The following CYTH2 variants were observed in gnomAD, a reference collection of about 807,000 sequenced individuals.
CYTH2 encodes the protein cytohesin 2.
CYTH2 carries 24 observed loss-of-function variants against 55.4 expected under a neutral mutation model. The ratio of observed to expected loss-of-function variants is 0.43; its 90% CI spans 0.31 to 0.61. The LOEUF is 0.61. CYTH2 is among the 20% of genes least tolerant of loss of function. The pLI, the probability that CYTH2 is intolerant of heterozygous loss-of-function variation, is 0.08. For missense variants in CYTH2, 378 were observed against 533.5 expected (o/e 0.71, Z 2.87); for synonymous variants, 221 against 209.6 (o/e 1.05, Z -0.47).
At position 48,479,315 on chromosome 19, in the gene CYTH2, A is replaced by G; in HGVS notation, c.*105A>G. On this transcript the variant is annotated 3_prime_UTR_variant, in exon 12 of 12. Transcript: ENST00000452733. ...TCCTGGTTCCCTGTTTGGAAAATTC[A>G]CCACCTCTAGCTCCTCACTGTTCTT... 1 of 1,109,038 alleles carries G rather than the reference A, an allele frequency of 9.0e-7. No individual in the cohort carries two copies. Among genetic ancestry groups the G allele is most frequent in the East Asian group, 2.4e-5 (1 of 41,216 alleles). The allele number at this position is 1,109,038 out of a possible 1,614,324, so 68.7% of individuals were successfully genotyped here.
chr19:48,469,919 C>A, intron 1 of CYTH2: 1 of 566,560 alleles, frequency 1.8e-6, no homozygotes, highest in Non-Finnish European at 3.5e-6. Context: ...TCCCAACTCT[C>A]CTGAGCTGTC....
chr19:48,478,709 G>A lies in CYTH2; in HGVS notation c.1112+117G>A, dbSNP rs577917001. On this transcript the variant is annotated intron_variant, in intron 11 of 11. Transcript: ENST00000452733. ...TCTGATGGAGGAGGGGCTGGGGCCT[G>A]GACGCCTGGGTCTGACGGAGGAGGG... The A allele has an allele frequency of 2.4e-4, 178 of 752,500 alleles. 1 individual carries two copies. The East Asian group carries it at 4.8e-3, about 20-fold the overall frequency. 46.6% of individuals were successfully genotyped at this position (752,500 alleles called of 1,614,324 possible). A position where few individuals can be genotyped will look rare whatever the true frequency, so the allele number is the denominator to read the frequency against.
intron 8 of CYTH2, chr19:48,476,567 G>A (rs1971917316): frequency 6.6e-6 from 1 of 152,364 alleles, no homozygotes; most frequent in African/African-American, 2.4e-5. Context: ...GCATCACGAG[G>A]AACTGCTTCC....
rs958323601 is a variant in CYTH2 at position 48,480,242 on chromosome 19, T to C, written c.*1032T>C. The C allele has an allele frequency of 6.6e-6, 1 of 152,184 alleles. No homozygotes were observed. The highest frequency in any genetic ancestry group is 1.5e-5 in the Non-Finnish European group (1 of 68,020). The allele number at this position is 152,184 out of a possible 1,614,324, so 9.4% of individuals were successfully genotyped here. On this transcript the variant is annotated 3_prime_UTR_variant, in exon 12 of 12. Coordinates refer to ENST00000452733, the MANE Select transcript of CYTH2 (RefSeq NM_004228.7). ...CGGATTGGGAGGTCCCATGTCACTC[T>C]CCCATGCCCGCCTTTGAAGCTGAGG...
chr19:48,481,126 C>T lies in CYTH2; in HGVS notation c.*1916C>T, dbSNP rs193167283. 3.5e-3 allele frequency: 534 copies of T among 153,020 alleles called. 12 individuals carry two copies. The highest frequency in any genetic ancestry group is 0.03 in the Admixed American group (460 of 15,288). 9.5% of individuals were successfully genotyped at this position (153,020 alleles called of 1,614,324 possible). ...TCAGGGAGAATAATTTGGAGGCGAG[C>T]GGGGAGGTGAGAGGAAGCTGTGCGG... On this transcript the variant is annotated 3_prime_UTR_variant, in exon 12 of 12. Coordinates refer to ENST00000452733, the MANE Select transcript of CYTH2 (RefSeq NM_004228.7).
At position 48,472,379 on chromosome 19, in the gene CYTH2, G is replaced by A. The variant is rs1428932273; in HGVS notation, c.289G>A (p.Ala97Thr). 7 of 1,613,802 alleles carry A rather than the reference G, an allele frequency of 4.3e-6. No homozygotes were observed. Among genetic ancestry groups the A allele is most frequent in the South Asian group, 1.1e-5 (1 of 91,086 alleles). The change falls in exon 4 of 12, where the codon GCC becomes ACC. Residue 97 changes from alanine (A) to threonine (T), a missense_variant. By Grantham distance (58) the Ala-to-Thr change is moderately conservative. Transcript: ENST00000452733. The stretch of plus-strand genomic sequence containing the variant: ...GCTGCAGAACACACCCGAGGAGATC[G>A]CCCGCTTCCTGTACAAGGGCGAGGG... ...ELLQNTPEEI[A>T]RFLYKGEGLN...
rs1188203627 is a variant in CYTH2, at chr19:48,480,432, C to T, written c.*1222C>T. 1 of 152,204 alleles carries T rather than the reference C, an allele frequency of 6.6e-6. No homozygotes were observed. Among genetic ancestry groups the T allele is most frequent in the Non-Finnish European group, 1.5e-5 (1 of 68,022 alleles). 9.4% of individuals were successfully genotyped at this position (152,204 alleles called of 1,614,324 possible). On this transcript the variant is annotated 3_prime_UTR_variant, in exon 12 of 12. Transcript: ENST00000452733. ...GCGCTTCGGAATTTCGGGCTTTGAT[C>T]CCTGTCCCGCCCTTGGCCACAGGCA...
At chr19:48,469,942 G>A (rs1341182942) in intron 1 of CYTH2, 5 of 554,094 alleles carry the variant, frequency 9.0e-6, no homozygotes, top group Admixed American at 4.5e-5. Flanking sequence ...CAGTTCCCCC[G>A]GCTGTAGTGA....
At position 48,479,435 on chromosome 19, in the gene CYTH2, C is replaced by G; in HGVS notation, c.*225C>G. 1 of 530,052 alleles carries G rather than the reference C, an allele frequency of 1.9e-6. No homozygotes were observed. The highest frequency in any genetic ancestry group is 2.3e-5 in the South Asian group (1 of 43,340). The allele number at this position is 530,052 out of a possible 1,614,324, so 32.8% of individuals were successfully genotyped here. ...TGGGGTTGACAGAGTCGAGGTGCTC[C>G]GTGGAGCCAGCCTGTTTCCCTGGAC... is the stretch of plus-strand genomic sequence containing the variant. On this transcript the variant is annotated 3_prime_UTR_variant, in exon 12 of 12. Coordinates refer to ENST00000452733, the MANE Select transcript of CYTH2 (RefSeq NM_004228.7).
intron 3 of CYTH2, among the ~76,000 whole-genome samples, chr19:48,470,881 G>C (rs1412149332): frequency 6.6e-6 from 1 of 152,136 alleles, no homozygotes; most frequent in Non-Finnish European, 1.5e-5. Context: ...TTTGTCCCCT[G>C]CCTGGAAGGT....
intron 11 of CYTH2, 95 bp from the exon 12 acceptor site, chr19:48,479,028 G>A (rs1971998701): frequency 1.5e-6 from 2 of 1,303,754 alleles, no homozygotes; most frequent in African/African-American, 1.5e-5. Flanking sequence ...AGGGAGGAGG[G>A]GCCGGGGGTC....
At position 48,469,383 on chromosome 19, in the gene CYTH2, G is replaced by A. The variant is rs1234446191; in HGVS notation, c.-125G>A. ...AGAGTCTTTTCAGCGCTGAGGACTG[G>A]CGCTGAGGAGGCGGCGGTGGCTCCC... is the stretch of plus-strand genomic sequence containing the variant. On this transcript the variant is annotated 5_prime_UTR_variant, in exon 1 of 12. Transcript: ENST00000452733. 8.9e-7 allele frequency: 1 copy of A among 1,119,902 alleles called. No homozygotes were observed. The highest frequency in any genetic ancestry group is 3.2e-5 in the East Asian group (1 of 30,994). 69.4% of individuals were successfully genotyped at this position (1,119,902 alleles called of 1,614,324 possible).
Position 48,479,135 on chromosome 19 carries a change from T to C in CYTH2, c.1125T>C (p.Ser375=), listed in dbSNP as rs1972001279. The stretch of plus-strand genomic sequence containing the variant: ...TCCCCTTCTGCAGGGCGGCTGTGAG[T>C]GTGGACCCCTTCTATGAGATGCTGG... ...EWIKSIQAAV[S]VDPFYEMLAA... is the part of the protein sequence containing the mutation. The change falls in exon 12 of 12, where the codon AGT becomes AGC. Residue 375 remains serine, a synonymous_variant. Coordinates refer to ENST00000452733, the MANE Select transcript of CYTH2 (RefSeq NM_004228.7). 2 of 1,613,870 alleles carry C rather than the reference T, an allele frequency of 1.2e-6. No homozygotes were observed. The highest frequency in any genetic ancestry group is 1.7e-4 in the Middle Eastern group (1 of 6,046).
rs1296557410 is a variant in CYTH2 at position 48,479,264 on chromosome 19, G to A, written c.*54G>A. 8 of 1,593,552 alleles carry A rather than the reference G, an allele frequency of 5.0e-6. No individual in the cohort carries two copies. The highest frequency in any genetic ancestry group is 2.7e-5 in the African/African-American group (2 of 74,456). ...ACGGAGCTGCCCCGCCTGGGTGGCC[G>A]GACCCCTGGGCCTTGGGGCTGTGGA... is the stretch of plus-strand genomic sequence containing the variant. On this transcript the variant is annotated 3_prime_UTR_variant, in exon 12 of 12. Transcript: ENST00000452733.
intron 8 of CYTH2, 173 bp from the exon 9 acceptor site, chr19:48,477,896 G>A (rs1275493769): frequency 6.9e-6 from 4 of 581,944 alleles, no homozygotes; most frequent in South Asian, 2.3e-5. Context: ...GACGATTCCT[G>A]GAGCCCCAAC....
At chr19:48,475,784 C>T (rs186486392) in intron 8 of CYTH2, 194 of 222,408 alleles carry the variant, frequency 8.7e-4, no homozygotes, top group Non-Finnish European at 1.5e-3. Context: ...TTAAGCTCCT[C>T]GGGTGCTCCC....
At chr19:48,477,813 A>G (rs1164333008) in intron 8 of CYTH2, 5 of 497,248 alleles carry the variant, frequency 1.0e-5, no homozygotes. Flanking sequence ...CCACAGGAGG[A>G]GGGGGCTGGG....
Position 48,474,094 on chromosome 19 carries a change from C to T in CYTH2, c.547+77C>T, listed in dbSNP as rs544309668. Reference sequence around the variant, plus strand: ...TCCTAGGTCTGAGGGAGGGAGGGGGCTGGGAGCTGGGAATCCTGGGTCCTG... The same window carrying T: ...TCCTAGGTCTGAGGGAGGGAGGGGGTTGGGAGCTGGGAATCCTGGGTCCTG... On this transcript the variant is annotated intron_variant, in intron 6 of 11. Transcript: ENST00000452733. The surrounding 1 kb of genome is among the most constrained non-coding windows in gnomAD (Gnocchi z 4.9). 1 of 1,543,512 alleles carries T rather than the reference C, an allele frequency of 6.5e-7. No homozygotes were observed. The highest frequency in any genetic ancestry group is 1.4e-5 in the African/African-American group (1 of 72,754).
At chr19:48,477,746 C>G (rs1971946028) in intron 8 of CYTH2, 1 of 382,954 alleles carries the variant, frequency 2.6e-6, no homozygotes, top group South Asian at 5.0e-5. Flanking sequence ...TCTTTGTCTC[C>G]CATCACTAGA....
Sources: gnomAD v4.1 joint callset for allele counts (sites outside exome capture counted in the v4.1 genomes callset) on GRCh38, gnomAD v4.1.1 for gene constraint, Gnocchi (gnomAD v3.1) non-coding constraint, MANE v1.5 for transcripts, NCBI Gene and HGNC (gene_info 2026-07-23, HGNC 2026-07-21) for gene names.